GRM8: variants seen among roughly 807,000 people sequenced by gnomAD.
GRM8 encodes metabotropic glutamate receptor 8.
GRM8 carries 47 observed loss-of-function variants against 87.2 expected under a neutral mutation model. That is an observed-to-expected ratio of 0.54 (90% confidence interval 0.43 to 0.69). The LOEUF (loss-of-function observed/expected upper bound fraction) is 0.69, where lower values mean the gene tolerates loss of function less well. Among genes scored for constraint, GRM8 ranks in the 30% least tolerant of loss-of-function variants. GRM8 has a pLI of 0.00. For missense variants in GRM8, 1,019 were observed against 1,139.2 expected, an observed-to-expected ratio of 0.89 and a Z score of 1.52; for synonymous variants, 396 against 404.5, an observed-to-expected ratio of 0.98 and a Z score of 0.25.
chr7:126,444,588 A>G (rs980181946), intron 10 of GRM8, among the ~76,000 whole-genome samples: 2 of 152,098 alleles, frequency 1.3e-5, no homozygotes, highest in Non-Finnish European at 2.9e-5. Flanking sequence ...AACTGAAACC[A>G]ATATGTCTAA....
Position 126,829,122 on chromosome 7 carries a change from C to G in GRM8, c.1157-59057G>C, listed in dbSNP as rs531655390. ...TTGCTGAGGAGAGCTTTACTTCCAA[C>G]TATGCGGTCAATTTTGGAATAGGTG... On this transcript the variant is annotated intron_variant, in intron 6 of 10. Transcript: ENST00000339582. Among the ~76,000 whole-genome samples, 19 of 150,916 alleles carry G rather than the reference C, an allele frequency of 1.3e-4. No individual in the cohort carries two copies. In the South Asian group the frequency reaches 3.6e-3, roughly 29 times the overall value.
At chr7:127,106,022 A>ACAATAAGAATATTGCTTAAGTATAG (rs1236048537) in intron 3 of GRM8, among the ~76,000 whole-genome samples, 11 of 152,320 alleles carry the variant, frequency 7.2e-5, no homozygotes, top group African/African-American at 2.6e-4. Flanking sequence ...GTCAAATATG[A>ACAATAAGAATATTGCTTAAGTATAG]CAATAAGAAT....
At chr7:126,679,946 G>A (rs891841167) in intron 7 of GRM8, among the ~76,000 whole-genome samples, 5 of 151,852 alleles carry the variant, frequency 3.3e-5, no homozygotes, top group African/African-American at 7.3e-5. Context: ...CAGGAAAATC[G>A]CTTGAACCCA....
At chr7:127,089,516 G>A (rs1823849232) in intron 3 of GRM8, among the ~76,000 whole-genome samples, 1 of 152,160 alleles carries the variant, frequency 6.6e-6, no homozygotes, top group African/African-American at 2.4e-5. Flanking sequence ...CACCACATGG[G>A]CAAAACCTAA....
chr7:127,159,161 G>T (rs778156775), intron 2 of GRM8, among the ~76,000 whole-genome samples: 4 of 152,178 alleles, frequency 2.6e-5, no homozygotes, highest in Non-Finnish European at 5.9e-5. Flanking sequence ...TCTCTCCCGG[G>T]TATTCTCCAC....
intron 7 of GRM8, among the ~76,000 whole-genome samples, chr7:126,752,035 A>G (rs1816478859): frequency 6.6e-6 from 1 of 151,388 alleles, no homozygotes; most frequent in African/African-American, 2.5e-5. Context: ...AATCTAACCC[A>G]TCCAATTCAA....
intron 7 of GRM8, among the ~76,000 whole-genome samples, chr7:126,718,176 G>A (rs182239063): frequency 1.7e-3 from 265 of 152,196 alleles, no homozygotes; most frequent in Admixed American, 2.8e-3. Flanking sequence ...GTGGGAGCTT[G>A]CAGTGAGCCG....
chr7:127,245,665 A>G (rs17862333), intron 1 of GRM8, among the ~76,000 whole-genome samples: 3,617 of 152,290 alleles, frequency 0.024, 58 homozygotes, highest in Non-Finnish European at 0.031. Context: ...TTAAAAAAAG[A>G]TTGGGGAATG....
intron 3 of GRM8, among the ~76,000 whole-genome samples, chr7:127,068,596 G>T (rs1352077297): frequency 6.6e-6 from 1 of 152,194 alleles, no homozygotes; most frequent in Non-Finnish European, 1.5e-5. Flanking sequence ...GAGAAAAGCT[G>T]CCTCGCTGAA....
At chr7:126,943,071 G>T (rs1807143670) in intron 3 of GRM8, among the ~76,000 whole-genome samples, 2 of 152,132 alleles carry the variant, frequency 1.3e-5, no homozygotes, top group African/African-American at 4.8e-5. Flanking sequence ...TGCCAAAGCT[G>T]CTGGGCCTTT....
At chr7:126,861,535 C>T (rs1798139287) in intron 6 of GRM8, among the ~76,000 whole-genome samples, 1 of 151,906 alleles carries the variant, frequency 6.6e-6, no homozygotes, top group South Asian at 2.1e-4. Flanking sequence ...TTCCAATTCC[C>T]TATAACTTCT....
At chr7:126,979,352 T>TA (rs1811305237) in intron 3 of GRM8, among the ~76,000 whole-genome samples, 1 of 152,222 alleles carries the variant, frequency 6.6e-6, no homozygotes, top group African/African-American at 2.4e-5. Flanking sequence ...CAAAATCTAA[T>TA]AAAAATTAGA....
At chr7:127,244,489 G>T (rs1798483674) in intron 1 of GRM8, among the ~76,000 whole-genome samples, 1 of 142,428 alleles carries the variant, frequency 7.0e-6, no homozygotes, top group African/African-American at 2.6e-5. Flanking sequence ...GACTGAAAAT[G>T]AGAACTGACT....
intron 7 of GRM8, among the ~76,000 whole-genome samples, chr7:126,646,688 AC>A (rs1455901844): frequency 6.6e-6 from 1 of 151,986 alleles, no homozygotes; most frequent in African/African-American, 2.4e-5. Flanking sequence ...AAACTTTTAA[AC>A]CTCCTCATCA....
intron 2 of GRM8, among the ~76,000 whole-genome samples, chr7:127,223,199 G>A (rs1258432739): frequency 2.0e-5 from 3 of 152,062 alleles, no homozygotes; most frequent in Non-Finnish European, 4.4e-5. Context: ...TCAGGACCCA[G>A]GGAATGACAT....
At chr7:126,743,730 C>A (rs538718675) in intron 7 of GRM8, among the ~76,000 whole-genome samples, 55 of 152,172 alleles carry the variant, frequency 3.6e-4, no homozygotes, top group Non-Finnish European at 6.6e-4. Context: ...TTACTTCATA[C>A]AATAGTACTT....
chr7:127,126,732 T>C (rs186572721), intron 2 of GRM8, among the ~76,000 whole-genome samples: 43 of 151,990 alleles, frequency 2.8e-4, no homozygotes, highest in African/African-American at 8.2e-4. Context: ...TAAAGTAAAT[T>C]AACAAATTGG....
intron 6 of GRM8, among the ~76,000 whole-genome samples, chr7:126,842,915 A>AACAT (rs1796403635): frequency 6.6e-6 from 1 of 152,182 alleles, no homozygotes; most frequent in Admixed American, 6.5e-5. Context: ...GTGTTCTTTT[A>AACAT]AGACACTAAA....
At position 127,155,608 on chromosome 7, in the gene GRM8, T is replaced by C. The variant is rs368166651; in HGVS notation, c.511-48896A>G. On this transcript the variant is annotated intron_variant, in intron 2 of 10. Coordinates refer to ENST00000339582, the MANE Select transcript of GRM8 (RefSeq NM_000845.3). ...TGGCAATTGGAACCATATTGAACCATGCAGGAAACAAAAAGAAAAGCACAG... is the reference window on the plus strand; with the variant it reads ...TGGCAATTGGAACCATATTGAACCACGCAGGAAACAAAAAGAAAAGCACAG... 8.5e-5 allele frequency among the ~76,000 whole-genome samples: 13 copies of C among 152,202 alleles called. No individual in the cohort carries two copies. In the East Asian group the frequency reaches 1.9e-3, roughly 23 times the overall value.
Sources: allele counts gnomAD v4.1 joint callset (sites outside exome capture counted in the v4.1 genomes callset), GRCh38; gene constraint gnomAD v4.1.1; transcripts MANE v1.5; gene names NCBI Gene and HGNC (gene_info 2026-07-23, HGNC 2026-07-21).